NCOR2: variants seen among roughly 807,000 people sequenced by gnomAD.
NCOR2 encodes the protein CTG repeat protein 26.
Under a neutral mutation model 262.9 loss-of-function variants are expected in NCOR2, and 81 were observed. The ratio of observed to expected loss-of-function variants is 0.31; its 90% CI spans 0.26 to 0.37. NCOR2 has a LOEUF of 0.37. NCOR2 is among the 10% of genes least tolerant of loss of function. The pLI, the probability that NCOR2 is intolerant of heterozygous loss-of-function variation, is 1.00. For missense variants in NCOR2, 3,385 were observed against 3,621.4 expected (o/e 0.93, Z 1.68); for synonymous variants, 1,659 against 1,559.3 (o/e 1.06, Z -1.51).
rs752258205 is a variant in NCOR2 at position 124,340,210 on chromosome 12, G to A, written c.5489-6C>T. The A allele has an allele frequency of 1.1e-5, 17 of 1,605,766 alleles. No homozygotes were observed. In the South Asian group the frequency reaches 1.8e-4, roughly 17 times the overall value. ...GCCGCTGCTCTGCTCTGTACCTGGT[G>A]ACAGTCAGTGGCATCAGCAGGGGGA... is the stretch of plus-strand genomic sequence containing the variant. On this transcript the variant is annotated splice_polypyrimidine_tract_variant and splice_region_variant and intron_variant, in intron 36 of 46. Coordinates refer to ENST00000405201, the Ensembl canonical transcript of NCOR2.
chr12:124,473,393 G>A (rs897802586), intron 3 of NCOR2, among the ~76,000 whole-genome samples: 12 of 152,156 alleles, frequency 7.9e-5, no homozygotes, highest in Non-Finnish European at 1.5e-4. Flanking sequence ...GTGCAAAGGC[G>A]AGACTGGCCT....
chr12:124,403,765 C>CACA (rs1015390661), intron 13 of NCOR2, among the ~76,000 whole-genome samples: 1 of 152,232 alleles, frequency 6.6e-6, no homozygotes, highest in African/African-American at 2.4e-5. Context: ...CTGACCCGCA[C>CACA]ACAACGCTCT....
In NCOR2 at chr12:124,483,914, A is replaced by C. The variant is rs1593765903; in HGVS notation, c.234-141T>G. ...GCCAGGAAGGTGCTCACAGGAGCCC[A>C]CCTCCCACGGTCCCACAGCAGGGCA... is the stretch of plus-strand genomic sequence containing the variant. On this transcript the variant is annotated intron_variant, in intron 2 of 46. Coordinates refer to ENST00000405201, the Ensembl canonical transcript of NCOR2. This position sits in a 1 kb window ranked among gnomAD's most constrained non-coding sequence, Gnocchi z 6.3. 1 of 979,426 alleles carries C rather than the reference A, an allele frequency of 1.0e-6. No homozygotes were observed. The allele number at this position is 979,426 out of a possible 1,614,324, so 60.7% of individuals were successfully genotyped here.
exon 20 of NCOR2, chr12:124,372,069 G>A: frequency 6.2e-7 from 1 of 1,605,086 alleles, no homozygotes; most frequent in East Asian, 2.2e-5. Flanking sequence ...CTGCACTGCA[G>A]GTAGCACTGG....
chr12:124,552,692 GT>G (rs2137264235), intron 1 of NCOR2, among the ~76,000 whole-genome samples: 1 of 152,228 alleles, frequency 6.6e-6, no homozygotes, highest in Non-Finnish European at 1.5e-5. Flanking sequence ...GGGTTAGGAG[GT>G]TTTTTGGTTT....
intron 11 of NCOR2, 105 bp from the exon 14 acceptor site, chr12:124,422,660 C>G: frequency 1.6e-6 from 2 of 1,270,872 alleles, no homozygotes; most frequent in Non-Finnish European, 2.2e-6. Flanking sequence ...CCGGGCCTGG[C>G]GGGCACCGCC....
At chr12:124,326,613 C>G (rs1306188286) in intron 45 of NCOR2, among the ~76,000 whole-genome samples, 2 of 152,182 alleles carry the variant, frequency 1.3e-5, no homozygotes, top group African/African-American at 4.8e-5. Flanking sequence ...GGTGGCTAAA[C>G]TGTCTGCTGT....
intron 17 of NCOR2, among the ~76,000 whole-genome samples, chr12:124,382,110 C>T (rs1189368170): frequency 1.3e-5 from 2 of 152,232 alleles, no homozygotes; most frequent in African/African-American, 4.8e-5. Flanking sequence ...CCAGAGGTGG[C>T]TGATACTGCG....
At chr12:124,448,097 C>T (rs1362754075) in intron 7 of NCOR2, among the ~76,000 whole-genome samples, 2 of 152,206 alleles carry the variant, frequency 1.3e-5, no homozygotes, top group Non-Finnish European at 2.9e-5. Context: ...GCTGAATAGC[C>T]AAGGCCTAGA....
intron 37 of NCOR2, chr12:124,337,436 CTG>C (rs1202062133): frequency 1.0e-5 from 7 of 676,286 alleles, no homozygotes; most frequent in Admixed American, 1.0e-4. Context: ...GTTCTAGACA[CTG>C]TGAATACAGC....
chr12:124,477,660 G>A (rs1228484605), intron 3 of NCOR2, among the ~76,000 whole-genome samples: 1 of 152,264 alleles, frequency 6.6e-6, no homozygotes, highest in African/African-American at 2.4e-5. Flanking sequence ...GGCAAACCCG[G>A]ATTGCCAAGA....
At chr12:124,343,876 C>T (rs1468653592) in intron 32 of NCOR2, among the ~76,000 whole-genome samples, 2 of 152,314 alleles carry the variant, frequency 1.3e-5, no homozygotes, top group East Asian at 3.9e-4. Flanking sequence ...GATCTGCCTG[C>T]CTTGACCTCC....
At chr12:124,369,397 G>A (rs901057458) in intron 20 of NCOR2, among the ~76,000 whole-genome samples, 5 of 152,214 alleles carry the variant, frequency 3.3e-5, no homozygotes, top group Admixed American at 6.5e-5. Context: ...CAGGAACACA[G>A]AGCTCCCCCA....
chr12:124,458,840 A>G (rs953751770), intron 5 of NCOR2, among the ~76,000 whole-genome samples: 4 of 152,160 alleles, frequency 2.6e-5, no homozygotes, highest in African/African-American at 9.7e-5. Flanking sequence ...CGGAGAGTCA[A>G]TGTCCCAGCC....
chr12:124,404,964 C>G (rs928997811), intron 13 of NCOR2, among the ~76,000 whole-genome samples: 4 of 152,242 alleles, frequency 2.6e-5, no homozygotes, highest in Non-Finnish European at 5.9e-5. Context: ...TTCGAGGTCT[C>G]GGAGCAAAGG....
At chr12:124,361,932 C>CA (rs374580438) in intron 22 of NCOR2, among the ~76,000 whole-genome samples, 194 bp downstream of exon 24, 1 of 152,268 alleles carries the variant, frequency 6.6e-6, no homozygotes, top group African/African-American at 2.4e-5. Flanking sequence ...TTAGAGAAAA[C>CA]AAGAGTTCTC....
exon 22 of NCOR2, chr12:124,362,160 C>T: frequency 7.7e-7 from 1 of 1,306,966 alleles, no homozygotes; most frequent in South Asian, 3.0e-5. Context: ...GGCTCCTGCT[C>T]TTGCCCCGGG....
At chr12:124,403,751 G>A (rs1871541062) in intron 13 of NCOR2, among the ~76,000 whole-genome samples, 1 of 152,142 alleles carries the variant, frequency 6.6e-6, no homozygotes, top group Non-Finnish European at 1.5e-5. Flanking sequence ...CCAGGAACAG[G>A]TGCCTGACCC....
intron 28 of NCOR2, 26 bp from the exon 31 acceptor site, chr12:124,348,340 G>T (rs1210380660): frequency 1.3e-6 from 2 of 1,584,218 alleles, no homozygotes; most frequent in Admixed American, 3.5e-5. Context: ...AGCACTCGGT[G>T]AGGAGCTGGG....
Sources: gnomAD v4.1 joint callset for allele counts (sites outside exome capture counted in the v4.1 genomes callset) on GRCh38, gnomAD v4.1.1 for gene constraint, Gnocchi (gnomAD v3.1) non-coding constraint, MANE v1.5 for transcripts, NCBI Gene and HGNC (gene_info 2026-07-23, HGNC 2026-07-21) for gene names.